CNTNAP2: variants seen among roughly 807,000 people sequenced by gnomAD.
The protein encoded by CNTNAP2 is contactin-associated protein-like 2.
Under a neutral mutation model 155.2 loss-of-function variants are expected in CNTNAP2, and 98 were observed. That is an observed-to-expected ratio of 0.63 (90% CI 0.54 to 0.75). The LOEUF (loss-of-function observed/expected upper bound fraction) is 0.75. Ranked by LOEUF, CNTNAP2 falls within the 30% of genes least tolerant of loss-of-function variation. CNTNAP2 has a pLI of 0.00. For missense variants in CNTNAP2, 1,727 were observed against 1,688.1 expected (o/e 1.02, Z -0.40); for synonymous variants, 651 against 631.2 (o/e 1.03, Z -0.47).
At chr7:147,035,530 CCA>C (rs1048469532) in intron 3 of CNTNAP2, among the ~76,000 whole-genome samples, 21 of 152,144 alleles carry the variant, frequency 1.4e-4, no homozygotes, top group African/African-American at 5.1e-4. Flanking sequence ...TGTTTCAATG[CCA>C]CAGAGTCATT....
At chr7:147,548,502 AT>A (rs1255249795) in intron 11 of CNTNAP2, among the ~76,000 whole-genome samples, 3 of 152,164 alleles carry the variant, frequency 2.0e-5, no homozygotes, top group African/African-American at 7.2e-5. Context: ...AATTCTGGAT[AT>A]TAGACCTTTG....
chr7:147,937,796 C>T (rs543603713), intron 14 of CNTNAP2, among the ~76,000 whole-genome samples: 1 of 152,172 alleles, frequency 6.6e-6, no homozygotes, highest in East Asian at 1.9e-4. Flanking sequence ...AGATTTTTTT[C>T]AGGACTTAGA....
At chr7:147,720,045 TTC>T (rs919836025) in intron 13 of CNTNAP2, among the ~76,000 whole-genome samples, 8 of 152,048 alleles carry the variant, frequency 5.3e-5, no homozygotes, top group African/African-American at 1.9e-4. Flanking sequence ...ACTCATATTC[TTC>T]TCTTTCTGTT....
In CNTNAP2 at chr7:147,271,194, CTAAG is replaced by C. The variant is rs371827519; in HGVS notation, c.1349-28941_1349-28938del. 3.3e-3 allele frequency among the ~76,000 whole-genome samples: 497 copies of C among 152,272 alleles called. 5 individuals carry two copies. The highest frequency in any genetic ancestry group is 0.011 in the African/African-American group (476 of 41,534). On this transcript the variant is annotated intron_variant, in intron 8 of 23. Coordinates refer to ENST00000361727, the MANE Select transcript of CNTNAP2 (RefSeq NM_014141.6). Reference sequence around the variant, plus strand: ...ATTGAATAGATCCTTGTCTTAGCTGCTAAGTAAGTTGATATTCCTTTAAAATACC... The same window carrying C: ...ATTGAATAGATCCTTGTCTTAGCTGCTAAGTTGATATTCCTTTAAAATACC...
chr7:147,841,896 A>T (rs1390637963), intron 13 of CNTNAP2, among the ~76,000 whole-genome samples: 2 of 152,230 alleles, frequency 1.3e-5, no homozygotes, highest in Non-Finnish European at 2.9e-5. Context: ...ACTTTCTTTT[A>T]AGAAATCACC....
intron 3 of CNTNAP2, among the ~76,000 whole-genome samples, chr7:147,024,440 GTTA>G (rs1798865836): frequency 1.3e-5 from 2 of 152,264 alleles, no homozygotes; most frequent in South Asian, 4.1e-4. Flanking sequence ...CGTGTAGAAT[GTTA>G]TTATTGGAGG....
chr7:146,795,569 C>T (rs557570241), intron 2 of CNTNAP2, among the ~76,000 whole-genome samples: 1 of 152,188 alleles, frequency 6.6e-6, no homozygotes, highest in Non-Finnish European at 1.5e-5. Flanking sequence ...AGATAAGTCA[C>T]ATGTCACAGC....
At chr7:148,019,546 C>A (rs1802240264) in intron 15 of CNTNAP2, among the ~76,000 whole-genome samples, 1 of 151,970 alleles carries the variant, frequency 6.6e-6, no homozygotes, top group South Asian at 2.1e-4. Flanking sequence ...TGCAACCACC[C>A]CCCAGGTCCA....
Position 146,856,792 on chromosome 7 carries a change from A to G in CNTNAP2, c.402+16888A>G, listed in dbSNP as rs181869578. Among the ~76,000 whole-genome samples the G allele has an allele frequency of 2.6e-5, 4 of 152,316 alleles. No homozygotes were observed. In the East Asian group the frequency reaches 7.7e-4, roughly 29 times the overall value. ...ATTATGAGAAAACAAAAGTCAAACCAAAATTGAAGAATATTCTATGAGGAA... is the reference window on the plus strand; with the variant it reads ...ATTATGAGAAAACAAAAGTCAAACCGAAATTGAAGAATATTCTATGAGGAA... On this transcript the variant is annotated intron_variant, in intron 3 of 23. Transcript: ENST00000361727.
intron 14 of CNTNAP2, among the ~76,000 whole-genome samples, chr7:147,915,599 A>G (rs1800144930): frequency 6.6e-6 from 1 of 152,060 alleles, no homozygotes; most frequent in Non-Finnish European, 1.5e-5. Context: ...GACAGCTATC[A>G]ATATATTTTC....
chr7:148,118,125 T>C lies in CNTNAP2; in HGVS notation c.2391T>C (p.Tyr797=), dbSNP rs562833882. The change falls in exon 16 of 24, where the codon TAT becomes TAC. Residue 797 remains tyrosine, a synonymous_variant. Transcript: ENST00000361727. ...GPLRCQGDRN[Y]WNAASFPNPS... is the part of the protein sequence containing the mutation. ...TTTGTTTTCTTCCCACAGGGAATTA[T>C]TGGAATGCCGCCTCTTTCCCAAACC... The C allele has an allele frequency of 9.9e-6, 16 of 1,614,090 alleles. 1 individual carries two copies. In the South Asian group the frequency reaches 1.5e-4, roughly 16 times the overall value.
chr7:147,438,400 T>A, intron 10 of CNTNAP2, among the ~76,000 whole-genome samples: 1 of 150,006 alleles, frequency 6.7e-6, no homozygotes, highest in East Asian at 1.9e-4. Flanking sequence ...TCTGTTGATA[T>A]GATGTATCAC....
At chr7:148,069,132 G>C (rs554812665) in intron 15 of CNTNAP2, among the ~76,000 whole-genome samples, 1 of 152,206 alleles carries the variant, frequency 6.6e-6, no homozygotes, top group South Asian at 2.1e-4. Context: ...CTCTATGACT[G>C]TTTTATATAT....
intron 10 of CNTNAP2, among the ~76,000 whole-genome samples, chr7:147,483,201 A>G (rs1428142279): frequency 1.4e-5 from 2 of 147,582 alleles, no homozygotes; most frequent in Non-Finnish European, 3.0e-5. Flanking sequence ...AGTGGATCCA[A>G]CCAATGGCAA....
chr7:148,371,060 G>A (rs754854341), intron 21 of CNTNAP2, among the ~76,000 whole-genome samples: 2 of 152,098 alleles, frequency 1.3e-5, no homozygotes, highest in Non-Finnish European at 2.9e-5. Context: ...GACCACCCCA[G>A]GGGATGGTCT....
rs753689881 is a variant in CNTNAP2, at chr7:146,938,872, T to C, written c.402+98968T>C. Among the ~76,000 whole-genome samples, 41 of 152,120 alleles carry C rather than the reference T, an allele frequency of 2.7e-4. 1 individual carries two copies. Among genetic ancestry groups the C allele is most frequent in the Middle Eastern group, 3.2e-3 (1 of 316 alleles). ...ATATACCAAGCCAAGCATTAGATAT[T>C]GGTAGTCCCAGAAATCTAACAATCC... On this transcript the variant is annotated intron_variant, in intron 3 of 23. Coordinates refer to ENST00000361727, the MANE Select transcript of CNTNAP2 (RefSeq NM_014141.6).
At chr7:147,775,849 T>C (rs1206996564) in intron 13 of CNTNAP2, among the ~76,000 whole-genome samples, 1 of 152,110 alleles carries the variant, frequency 6.6e-6, no homozygotes, top group Non-Finnish European at 1.5e-5. Flanking sequence ...TCATGGGTAA[T>C]GTTAAAGGAA....
chr7:146,315,629 G>A (rs759910512), intron 1 of CNTNAP2, among the ~76,000 whole-genome samples: 30 of 152,150 alleles, frequency 2.0e-4, no homozygotes, highest in Admixed American at 2.6e-4. Context: ...CCACCTTGCT[G>A]ACTTCCTGTG....
At chr7:146,366,293 G>T (rs749558699) in intron 1 of CNTNAP2, among the ~76,000 whole-genome samples, 22 of 151,882 alleles carry the variant, frequency 1.4e-4, no homozygotes, top group Non-Finnish European at 1.2e-4. Flanking sequence ...TTTTTTAAAT[G>T]CCAGAATTAT....
Sources: allele counts gnomAD v4.1 joint callset (sites outside exome capture counted in the v4.1 genomes callset), GRCh38; gene constraint gnomAD v4.1.1; transcripts MANE v1.5; gene names NCBI Gene and HGNC (gene_info 2026-07-23, HGNC 2026-07-21).